Variants in ARHGEF10 observed in about 807,000 individuals in gnomAD.
The protein encoded by ARHGEF10 is Rho guanine nucleotide exchange factor (GEF) 10.
A neutral mutation model predicts 147.4 loss-of-function variants in ARHGEF10; 140 were observed. The observed-to-expected ratio is 0.95, with a 90% CI of 0.83 to 1.09. The LOEUF is 1.09. ARHGEF10 is among the 50% of genes least tolerant of loss of function. ARHGEF10 has a pLI of 0.00. For synonymous variants in ARHGEF10, 902 were observed against 695.8 expected (o/e 1.30, Z -4.67); for missense variants, 2,222 against 1,752.7 (o/e 1.27, Z -4.78).
chr8:1,939,829 G>C (rs1813935408), intron 26 of ARHGEF10, among the ~76,000 whole-genome samples: 1 of 152,208 alleles, frequency 6.6e-6, no homozygotes, highest in African/African-American at 2.4e-5. Flanking sequence ...GGGGAAGCAT[G>C]GGCAGTGCAG....
chr8:1,836,547 A>T (rs1170570652), intron 1 of ARHGEF10, among the ~76,000 whole-genome samples: 1 of 152,000 alleles, frequency 6.6e-6, no homozygotes, highest in African/African-American at 2.4e-5. Context: ...AGGGGGTGGG[A>T]TGTTTTGTGT....
At chr8:1,898,674 G>T in intron 15 of ARHGEF10, 149 bp downstream of exon 15, 1 of 860,850 alleles carries the variant, frequency 1.2e-6, no homozygotes, top group South Asian at 1.4e-5. Context: ...GGAGGGTAGA[G>T]GCAGGTGGAG....
intron 15 of ARHGEF10, among the ~76,000 whole-genome samples, 165 bp from the exon 16 acceptor site, chr8:1,903,116 G>C (rs1416351684): frequency 6.6e-6 from 1 of 152,162 alleles, no homozygotes; most frequent in Non-Finnish European, 1.5e-5. Flanking sequence ...CAGCCAAGTC[G>C]TGACTCACTC....
At chr8:1,832,868 GCAGAGACAGAGAGA>G (rs1803275628) in intron 1 of ARHGEF10, among the ~76,000 whole-genome samples, 2 of 50,078 alleles carry the variant, frequency 4.0e-5, no homozygotes, top group Non-Finnish European at 7.4e-5. Context: ...AGAGGCAGAG[GCAGAGACAGAGAGA>G]CAGAGGCAGA....
At chr8:1,896,176 G>GA (rs920309918) in intron 13 of ARHGEF10, among the ~76,000 whole-genome samples, 157 bp from the exon 14 acceptor site, 20 of 151,800 alleles carry the variant, frequency 1.3e-4, no homozygotes, top group African/African-American at 2.7e-4. Context: ...CTTGCTTAAA[G>GA]AAAAAAAATC....
intron 7 of ARHGEF10, 137 bp from the exon 8 acceptor site, chr8:1,876,434 C>A: frequency 1.1e-6 from 1 of 929,254 alleles, no homozygotes. Flanking sequence ...AAGCCCGGGG[C>A]TCCGCAGGGT....
intron 8 of ARHGEF10, among the ~76,000 whole-genome samples, chr8:1,878,288 C>G (rs770521683): frequency 6.6e-6 from 1 of 152,082 alleles, no homozygotes; most frequent in African/African-American, 2.4e-5. Flanking sequence ...TTCCCAGATT[C>G]AAGTAATTCT....
chr8:1,933,776 T>G (rs572714641), intron 25 of ARHGEF10, 24 bp from the exon 26 acceptor site: 13 of 1,614,156 alleles, frequency 8.1e-6, no homozygotes, highest in Non-Finnish European at 1.1e-5. Context: ...TGAACTTGAA[T>G]GAAATGAAAT....
chr8:1,921,460 G>A (rs1812283093), intron 18 of ARHGEF10, among the ~76,000 whole-genome samples: 1 of 152,222 alleles, frequency 6.6e-6, no homozygotes, highest in African/African-American at 2.4e-5. Context: ...CAGGCACGGT[G>A]GCTCACGCCT....
rs1345340119 is a variant in ARHGEF10, at chr8:1,903,428, A to G, written c.1798A>G (p.Ile600Val). The G allele has an allele frequency of 6.2e-7, 1 of 1,614,122 alleles. No individual in the cohort carries two copies. The highest frequency in any genetic ancestry group is 1.3e-5 in the African/African-American group (1 of 74,950). ...TGAAGTGAAGCAAATAGCCAAAGCC[A>G]TAAACGAAAGATACCTGAACAAGGT... ...RCEVKQIAKAINERYLNKLLS... is the reference protein window; with the variant it reads ...RCEVKQIAKAVNERYLNKLLS... Residue 600 changes from isoleucine (I) to valine (V), a missense_variant, in exon 16 of 29, where the codon ATA becomes GTA. Ile to Val is a conservative substitution (Grantham distance 29). Coordinates refer to ENST00000349830, the MANE Select transcript of ARHGEF10 (RefSeq NM_014629.4).
chr8:1,861,378 C>T (rs113829992), intron 4 of ARHGEF10, among the ~76,000 whole-genome samples: 11,087 of 152,288 alleles, frequency 0.073, 533 homozygotes, highest in Non-Finnish European at 0.11. Context: ...TAGGGCCAGG[C>T]GCCAGGGTGA....
At chr8:1,929,563 C>T (rs1812953134) in intron 25 of ARHGEF10, 120 bp downstream of exon 25, 1 of 1,247,342 alleles carries the variant, frequency 8.0e-7, no homozygotes, top group African/African-American at 1.5e-5. Context: ...TGCCTCCGCC[C>T]CTGCGCTCGT....
At chr8:1,912,384 T>G (rs1213752906) in intron 18 of ARHGEF10, among the ~76,000 whole-genome samples, 3 of 151,756 alleles carry the variant, frequency 2.0e-5, no homozygotes, top group Non-Finnish European at 4.4e-5. Flanking sequence ...CTGTGTGGAA[T>G]GTGCATTTGC....
chr8:1,956,098 C>T (rs6999840), intron 28 of ARHGEF10, among the ~76,000 whole-genome samples: 44,831 of 152,156 alleles, frequency 0.29, 7,087 homozygotes, highest in Admixed American at 0.38. Context: ...ACCCACAAAG[C>T]ATCCAGAAGA....
intron 27 of ARHGEF10, among the ~76,000 whole-genome samples, chr8:1,950,153 A>G (rs1327807850): frequency 6.6e-6 from 1 of 151,882 alleles, no homozygotes; most frequent in Non-Finnish European, 1.5e-5. Context: ...ACCGTTCACC[A>G]CCTCAGCTGC....
In ARHGEF10 at chr8:1,957,224, G is replaced by A. The variant is rs756352427; in HGVS notation, c.3996G>A (p.Pro1332=). 1.3e-5 allele frequency: 21 copies of A among 1,611,646 alleles called. No individual in the cohort carries two copies. Among genetic ancestry groups the A allele is most frequent in the African/African-American group, 2.7e-5 (2 of 74,920 alleles). Residue 1332 remains proline, a synonymous_variant, in exon 29 of 29, where the codon CCG becomes CCA. Transcript: ENST00000349830. ...AGCCCCACCAGGAAGAGCTGGCGCC[G>A]ACCGTCATGGTCTGGCAGATCCCTC... ...ARQPHQEELA[P]TVMVWQIPLL...
At position 1,831,525 on chromosome 8, in the gene ARHGEF10, C is replaced by T. The variant is rs1210246286; in HGVS notation, c.-48+7412C>T. Among the ~76,000 whole-genome samples the T allele has an allele frequency of 2.9e-3, 178 of 60,938 alleles. 9 individuals are homozygous for T. The highest frequency in any genetic ancestry group is 0.012 in the African/African-American group (166 of 13,334). The allele number at this position is 60,938 out of a possible 152,430, so 40.0% of individuals were successfully genotyped here. A position where few individuals can be genotyped will look rare whatever the true frequency, so the allele number is the denominator to read the frequency against. The stretch of plus-strand genomic sequence containing the variant: ...GGCCGTGGAGGGACAGTGTGACATC[C>T]GTGGAGGGACAGTGTGACGGCCGTG... On this transcript the variant is annotated intron_variant, in intron 1 of 28. Transcript: ENST00000349830.
At chr8:1,890,201 A>AG (rs1329936353) in intron 11 of ARHGEF10, among the ~76,000 whole-genome samples, 1 of 117,734 alleles carries the variant, frequency 8.5e-6, no homozygotes, top group Non-Finnish European at 1.8e-5. Context: ...GAATAGGGTG[A>AG]GGGTTGTGAA....
At chr8:1,890,697 G>A (rs1809457448) in intron 11 of ARHGEF10, among the ~76,000 whole-genome samples, 1 of 134,084 alleles carries the variant, frequency 7.5e-6, no homozygotes, top group Non-Finnish European at 1.6e-5. Context: ...CACTGAGTGG[G>A]TCACGGGGTC....
Sources: gnomAD v4.1 joint callset for allele counts (sites outside exome capture counted in the v4.1 genomes callset) on GRCh38, gnomAD v4.1.1 for gene constraint, MANE v1.5 for transcripts, NCBI Gene and HGNC (gene_info 2026-07-23, HGNC 2026-07-21) for gene names.